FAT3: variants seen among roughly 807,000 people sequenced by gnomAD.
FAT3 encodes protocadherin Fat 3.
A neutral mutation model predicts 310.2 loss-of-function variants in FAT3; 95 were observed. The ratio of observed to expected loss-of-function variants is 0.31; its 90% CI spans 0.26 to 0.36. The LOEUF (loss-of-function observed/expected upper bound fraction) is 0.36, where lower values mean the gene tolerates loss of function less well. Among genes scored for constraint, FAT3 ranks in the 10% least tolerant of loss-of-function variants. The probability of loss-of-function intolerance (pLI) is 1.00; values close to 1 mark genes in which losing one functional copy is unlikely to be tolerated. For synonymous variants in FAT3, 2,314 were observed against 2,192.9 expected (o/e 1.06, Z -1.54); for missense variants, 5,408 against 5,715.6 (o/e 0.95, Z 1.74).
intron 3 of FAT3, among the ~76,000 whole-genome samples, chr11:92,625,170 T>A (rs1396277272): frequency 6.6e-6 from 1 of 152,174 alleles, no homozygotes; most frequent in Admixed American, 6.5e-5. Flanking sequence ...TGAAATTGGT[T>A]TCATGCTATG....
chr11:92,579,879 CA>C (rs1437097010), intron 3 of FAT3, among the ~76,000 whole-genome samples: 1 of 152,032 alleles, frequency 6.6e-6, no homozygotes. Flanking sequence ...TTAAAATTAT[CA>C]AAAGCTTATA....
chr11:92,578,009 A>C (rs1023616015), intron 3 of FAT3, among the ~76,000 whole-genome samples: 1 of 152,106 alleles, frequency 6.6e-6, no homozygotes, highest in African/African-American at 2.4e-5. Flanking sequence ...CTTACAACTG[A>C]TATATATTAG....
At chr11:92,726,919 C>T (rs1945018414) in intron 4 of FAT3, among the ~76,000 whole-genome samples, 1 of 151,928 alleles carries the variant, frequency 6.6e-6, no homozygotes. Flanking sequence ...ATTTACCTTA[C>T]AGTTAAATCT....
chr11:92,859,283 T>C lies in FAT3; in HGVS notation c.11619T>C (p.Ile3873=). 1 of 1,613,112 alleles carries C rather than the reference T, an allele frequency of 6.2e-7. No individual in the cohort carries two copies. Among genetic ancestry groups the C allele is most frequent in the Non-Finnish European group, 8.5e-7 (1 of 1,179,462 alleles). The change falls in exon 21 of 28, where the codon ATT becomes ATC. Residue 3873 remains isoleucine, a synonymous_variant. Coordinates refer to ENST00000525166, the MANE Select transcript of FAT3 (RefSeq NM_001367949.2). ...LRLRTLQSNG[I]IMYTRANPCI... is the part of the protein sequence containing the mutation. ...TTCGAACACTGCAAAGCAATGGGAT[T>C]ATAATGTACACCAGAGCAAATCCCT...
At chr11:92,389,506 A>G (rs993607515) in intron 2 of FAT3, among the ~76,000 whole-genome samples, 4 of 152,238 alleles carry the variant, frequency 2.6e-5, no homozygotes, top group Non-Finnish European at 5.9e-5. Flanking sequence ...AAAGGCGTAC[A>G]TGCAAGGAAA....
chr11:92,535,128 TCA>T (rs1954209247), intron 3 of FAT3, among the ~76,000 whole-genome samples: 1 of 152,176 alleles, frequency 6.6e-6, no homozygotes, highest in Admixed American at 6.5e-5. Context: ...TGTAGTTTTC[TCA>T]GTTTCCTTTA....
intron 19 of FAT3, among the ~76,000 whole-genome samples, chr11:92,847,013 T>A (rs922318826): frequency 6.6e-6 from 1 of 152,246 alleles, no homozygotes; most frequent in South Asian, 2.1e-4. Context: ...ATACAGCTGA[T>A]GAGAGTAGCA....
At chr11:92,747,239 A>G (rs1945697937) in intron 4 of FAT3, among the ~76,000 whole-genome samples, 1 of 152,236 alleles carries the variant, frequency 6.6e-6, no homozygotes, top group Non-Finnish European at 1.5e-5. Context: ...GAAGATTCCA[A>G]ACCTCAGTTC....
intron 2 of FAT3, among the ~76,000 whole-genome samples, chr11:92,394,722 T>C (rs1314294036): frequency 6.6e-6 from 1 of 152,128 alleles, no homozygotes; most frequent in Non-Finnish European, 1.5e-5. Flanking sequence ...AAAACTCTCA[T>C]TTTAAAATTG....
chr11:92,819,044 T>C (rs559411641), intron 13 of FAT3, among the ~76,000 whole-genome samples: 1 of 152,350 alleles, frequency 6.6e-6, no homozygotes, highest in South Asian at 2.1e-4. Flanking sequence ...ATTATTCCCA[T>C]TTCTCATAAT....
At chr11:92,685,586 A>T (rs1296290806) in intron 3 of FAT3, among the ~76,000 whole-genome samples, 1 of 149,688 alleles carries the variant, frequency 6.7e-6, no homozygotes, top group African/African-American at 2.4e-5. Context: ...TGTGTTTACT[A>T]TATATTATAT....
chr11:92,640,556 A>G (rs1340056207), intron 3 of FAT3, among the ~76,000 whole-genome samples: 5 of 152,196 alleles, frequency 3.3e-5, no homozygotes, highest in Non-Finnish European at 7.3e-5. Context: ...ATGCATACAC[A>G]TAAAAGTAAG....
chr11:92,832,007 G>A lies in FAT3; in HGVS notation c.9867G>A (p.Lys3289=). ...NEQGKFKINP[K]TGGISVSEVL... ...AAGGGAAATTTAAGATCAACCCCAA[G>A]ACAGGTGGGTAAATAGCACTGTACT... is the stretch of plus-strand genomic sequence containing the variant. Residue 3289 remains lysine (K), a synonymous_variant, in exon 14 of 28, where the codon AAG becomes AAA. Transcript: ENST00000525166. 1 of 1,541,318 alleles carries A rather than the reference G, an allele frequency of 6.5e-7. No homozygotes were observed. The highest frequency in any genetic ancestry group is 1.4e-5 in the African/African-American group (1 of 73,162).
At chr11:92,624,118 T>G (rs992220633) in intron 3 of FAT3, among the ~76,000 whole-genome samples, 2 of 152,196 alleles carry the variant, frequency 1.3e-5, no homozygotes, top group South Asian at 2.1e-4. Flanking sequence ...AAGACAGTTT[T>G]GGAATCATGC....
chr11:92,598,718 G>A (rs991955748), intron 3 of FAT3, among the ~76,000 whole-genome samples: 15 of 152,186 alleles, frequency 9.9e-5, no homozygotes, highest in Admixed American at 2.0e-4. Flanking sequence ...TAATTGGCAA[G>A]TTGGACTTTG....
intron 3 of FAT3, among the ~76,000 whole-genome samples, chr11:92,617,826 C>G (rs964822681): frequency 6.6e-6 from 1 of 152,144 alleles, no homozygotes; most frequent in Non-Finnish European, 1.5e-5. Context: ...AATGTTGCTG[C>G]CCAATCCTTC....
At position 92,460,413 on chromosome 11, in the gene FAT3, G is replaced by A. The variant is rs1419214145; in HGVS notation, c.3293-64221G>A. ...GTCCAGCTCTAACCCACAGGCGAAC[G>A]GCAGGGCTGGACTAATTACGCAGCT... On this transcript the variant is annotated intron_variant, in intron 2 of 27. Transcript: ENST00000525166. Among the ~76,000 whole-genome samples the A allele has an allele frequency of 4.6e-5, 7 of 152,164 alleles. 1 individual carries two copies. The highest frequency in any genetic ancestry group is 2.6e-4 in the Admixed American group (4 of 15,276).
rs77268723 is a variant in FAT3, at chr11:92,531,175, C to T, written c.3607+6227C>T. On this transcript the variant is annotated intron_variant, in intron 3 of 27. Coordinates refer to ENST00000525166, the MANE Select transcript of FAT3 (RefSeq NM_001367949.2). ...CCTTCTTTCAGCCATGAAAGGAGCCCTTGTCCTATAGAACATTAAATTGTG... is the reference window on the plus strand; with the variant it reads ...CCTTCTTTCAGCCATGAAAGGAGCCTTTGTCCTATAGAACATTAAATTGTG... Among the ~76,000 whole-genome samples the T allele has an allele frequency of 6.0e-4, 91 of 152,290 alleles. 3 individuals carry two copies. In the East Asian group the frequency reaches 0.017, roughly 28 times the overall value.
chr11:92,265,074 A>G (rs1042090396), intron 1 of FAT3, among the ~76,000 whole-genome samples: 1 of 151,992 alleles, frequency 6.6e-6, no homozygotes, highest in Admixed American at 6.6e-5. Flanking sequence ...TCTAGAAATC[A>G]CCACAGGTTC....
Sources: gnomAD v4.1 joint callset for allele counts (sites outside exome capture counted in the v4.1 genomes callset) on GRCh38, gnomAD v4.1.1 for gene constraint, MANE v1.5 for transcripts, NCBI Gene and HGNC (gene_info 2026-07-23, HGNC 2026-07-21) for gene names.